Variants in FAM110A observed in about 807,000 individuals in gnomAD.
FAM110A encodes the protein protein FAM110A.
A neutral mutation model predicts 4.0 loss-of-function variants in FAM110A; 1 was observed. That is an observed-to-expected ratio of 0.25 (90% CI 0.09 to 1.20). FAM110A has a LOEUF of 1.20. FAM110A is among the 50% of genes most tolerant of loss of function. The pLI, the probability that FAM110A is intolerant of heterozygous loss-of-function variation, is 0.50. For missense variants in FAM110A, 436 were observed against 429.2 expected, an observed-to-expected ratio of 1.02 and a Z score of -0.14; for synonymous variants, 217 against 196.8, an observed-to-expected ratio of 1.10 and a Z score of -0.86.
At position 841,129 on chromosome 20, in the gene FAM110A, C is replaced by G. The variant is rs574786439; in HGVS notation, c.-97-3579C>G. The G allele has an allele frequency of 4.6e-5, 7 of 152,368 alleles. No homozygotes were observed. In the East Asian group the frequency reaches 1.4e-3, roughly 29 times the overall value. 9.4% of individuals were successfully genotyped at this position (152,368 alleles called of 1,614,324 possible). A position where few individuals can be genotyped will look rare whatever the true frequency, so the allele number is the denominator to read the frequency against. ...AGCGGGTCGGACCCAGTTCCTGAGC[C>G]AGGCCAGCTGCCGGCGGCCGGGGCT... On this transcript the variant is annotated intron_variant, in intron 1 of 1. Transcript: ENST00000381941.
intron 1 of FAM110A, chr20:839,790 G>T: frequency 1.3e-6 from 2 of 1,543,292 alleles, no homozygotes; most frequent in Non-Finnish European, 1.8e-6. Flanking sequence ...ATGTCTCCAG[G>T]CAAACTGTTC....
Position 845,918 on chromosome 20 carries a change from T to C in FAM110A, c.*226T>C, listed in dbSNP as rs2122709085. 1 of 844,140 alleles carries C rather than the reference T, an allele frequency of 1.2e-6. No homozygotes were observed. 52.3% of individuals were successfully genotyped at this position (844,140 alleles called of 1,614,324 possible). ...GACACCTGAGAACCCCCTCCTCCCC[T>C]CCCCCAATACAAGGTTTTTGACATG... On this transcript the variant is annotated 3_prime_UTR_variant, in exon 2 of 2. Coordinates refer to ENST00000381941, the MANE Select transcript of FAM110A (RefSeq NM_001042353.3).
chr20:844,792 A>T lies in FAM110A; in HGVS notation c.-13A>T. 6.9e-7 allele frequency: 1 copy of T among 1,444,014 alleles called. No homozygotes were observed. Among genetic ancestry groups the T allele is most frequent in the Admixed American group, 2.8e-5 (1 of 36,056 alleles). The allele number at this position is 1,444,014 out of a possible 1,614,324, so 89.5% of individuals were successfully genotyped here. ...GTCTCCGCAGACTAAAGCCCTCGGG[A>T]TATGCAGCAGCCATGCCTGTGCACA... is the stretch of plus-strand genomic sequence containing the variant. On this transcript the variant is annotated 5_prime_UTR_variant, in exon 2 of 2. Transcript: ENST00000381941.
intron 1 of FAM110A, among the ~76,000 whole-genome samples, chr20:836,770 G>T (rs1473846106): frequency 6.6e-6 from 1 of 152,150 alleles, no homozygotes; most frequent in East Asian, 1.9e-4. Context: ...TTAATTTTTT[G>T]AGGAACTACT....
chr20:843,626 G>T lies in FAM110A; in HGVS notation c.-97-1082G>T, dbSNP rs76564722. ...AAGTACCCGCCCCCTCCATTTTACA[G>T]ATGAGAATGTTTGGGACTTGGTATG... On this transcript the variant is annotated intron_variant, in intron 1 of 1. Transcript: ENST00000381941. Among the ~76,000 whole-genome samples, 303 of 152,292 alleles carry T rather than the reference G, an allele frequency of 2.0e-3. 3 individuals carry two copies. The highest frequency in any genetic ancestry group is 7.1e-3 in the African/African-American group (294 of 41,576).
In FAM110A at chr20:845,306, C is replaced by T; in HGVS notation, c.502C>T (p.Pro168Ser). 6.5e-7 allele frequency: 1 copy of T among 1,543,180 alleles called. No homozygotes were observed. The highest frequency in any genetic ancestry group is 1.2e-5 in the South Asian group (1 of 83,140). The change falls in exon 2 of 2, where the codon CCA (proline) becomes TCA (serine). Residue 168 changes from proline to serine, a missense_variant. Physicochemically the swap from Pro to Ser is moderately conservative, Grantham distance 74. Transcript: ENST00000381941. The part of the protein sequence containing the change: ...PLPASPARPC[P>S]SPGPAAASSP... ...GCCCGCCTCGCCTGCCCGGCCCTGCCCATCACCCGGCCCTGCCGCCGCCTC... is the reference window on the plus strand; with the variant it reads ...GCCCGCCTCGCCTGCCCGGCCCTGCTCATCACCCGGCCCTGCCGCCGCCTC...
intron 1 of FAM110A, among the ~76,000 whole-genome samples, chr20:837,793 G>C (rs1186076205): frequency 6.6e-6 from 1 of 152,160 alleles, no homozygotes; most frequent in African/African-American, 2.4e-5. Flanking sequence ...GAAGTGGTCA[G>C]AGCCCAGCTT....
At position 841,766 on chromosome 20, in the gene FAM110A, C is replaced by A. The variant is rs372558963; in HGVS notation, c.-97-2942C>A. 4.7e-4 allele frequency among the ~76,000 whole-genome samples: 72 copies of A among 152,280 alleles called. No individual in the cohort carries two copies. In the East Asian group the frequency reaches 0.011, roughly 24 times the overall value. The stretch of plus-strand genomic sequence containing the variant: ...TGGGGCATTGGGCGGTGAGAGGAGG[C>A]CTCAGAGGGGACATTGAGTCGCGCT... On this transcript the variant is annotated intron_variant, in intron 1 of 1. Transcript: ENST00000381941.
intron 1 of FAM110A, among the ~76,000 whole-genome samples, chr20:835,873 C>T (rs1166635210): frequency 2.0e-5 from 3 of 152,142 alleles, no homozygotes; most frequent in Non-Finnish European, 4.4e-5. Flanking sequence ...CCAATCTCCT[C>T]TGGGGCAGGC....
intron 1 of FAM110A, chr20:839,367 C>A: frequency 3.8e-6 from 2 of 525,664 alleles, no homozygotes; most frequent in South Asian, 3.2e-5. Flanking sequence ...GTGTCTGGTA[C>A]AAAGAAAGTG....
intron 1 of FAM110A, chr20:839,961 T>C (rs1162327184): frequency 3.2e-5 from 48 of 1,483,868 alleles, no homozygotes; most frequent in Non-Finnish European, 4.3e-5. Context: ...AATCCGGTTC[T>C]TCTTAGGCAT....
intron 1 of FAM110A, chr20:836,261 G>A (rs1979570656): frequency 7.6e-6 from 1 of 131,684 alleles, no homozygotes; most frequent in South Asian, 2.6e-4. Context: ...GGGGGGGTGG[G>A]GTGGGGCAGT....
rs1979831929 is a variant in FAM110A at position 840,558 on chromosome 20, C to A, written c.-97-4150C>A. 6.6e-6 allele frequency among the ~76,000 whole-genome samples: 1 copy of A among 152,180 alleles called. No individual in the cohort carries two copies. The highest frequency in any genetic ancestry group is 1.5e-5 in the Non-Finnish European group (1 of 68,034). ...GGATTTAAATGAGTATGGTGCCTGG[C>A]ACCCCAAAATTCTAGTTATTGTTGT... On this transcript the variant is annotated intron_variant, in intron 1 of 1. Coordinates refer to ENST00000381941, the MANE Select transcript of FAM110A (RefSeq NM_001042353.3). The surrounding 1 kb of genome is among the most constrained non-coding windows in gnomAD (Gnocchi z 4.4).
In FAM110A at chr20:844,687, TTTC is replaced by T; in HGVS notation, c.-97-19_-97-17del. The T allele has an allele frequency of 3.1e-6, 4 of 1,298,572 alleles. No individual in the cohort carries two copies. The highest frequency in any genetic ancestry group is 3.8e-5 in the Admixed American group (1 of 26,390). 80.4% of individuals were successfully genotyped at this position (1,298,572 alleles called of 1,614,324 possible). A position where few individuals can be genotyped will look rare whatever the true frequency, so the allele number is the denominator to read the frequency against. The stretch of plus-strand genomic sequence containing the variant: ...TGAGCGCGCTCGGCTTTTTTTTTTT[TTTC>T]TCTCTCCTTCCCTGCAGCAGTGGCC... On this transcript the variant is annotated intron_variant, in intron 1 of 1. Coordinates refer to ENST00000381941, the MANE Select transcript of FAM110A (RefSeq NM_001042353.3).
At chr20:839,171 C>T (rs1979735206) in intron 1 of FAM110A, among the ~76,000 whole-genome samples, 1 of 152,124 alleles carries the variant, frequency 6.6e-6, no homozygotes. Flanking sequence ...TCTTCCACCT[C>T]CCCTCCCCAG....
rs761527987 is a variant in FAM110A at position 845,515 on chromosome 20, C to G, written c.711C>G (p.Pro237=). 6 of 1,612,308 alleles carry G rather than the reference C, an allele frequency of 3.7e-6. No homozygotes were observed. The highest frequency in any genetic ancestry group is 5.1e-6 in the Non-Finnish European group (6 of 1,179,276). The part of the protein sequence containing the change: ...ASSDIVSLAG[P]SAGPGSSEGG... ...CGGATATCGTGTCCCTGGCAGGGCCCAGTGCTGGGCCGGGCAGCTCTGAAG... is the reference window on the plus strand; with the variant it reads ...CGGATATCGTGTCCCTGGCAGGGCCGAGTGCTGGGCCGGGCAGCTCTGAAG... Residue 237 remains proline, a synonymous_variant, in exon 2 of 2, where the codon CCC becomes CCG. Coordinates refer to ENST00000381941, the MANE Select transcript of FAM110A (RefSeq NM_001042353.3).
intron 1 of FAM110A, among the ~76,000 whole-genome samples, chr20:837,708 C>T (rs1979655451): frequency 2.6e-5 from 4 of 152,124 alleles, no homozygotes; most frequent in African/African-American, 9.7e-5. Flanking sequence ...GTAGTGAAGA[C>T]CACTGCAGGC....
Position 845,874 on chromosome 20 carries a change from G to A in FAM110A, c.*182G>A. 7.4e-7 allele frequency: 1 copy of A among 1,357,044 alleles called. No homozygotes were observed. Among genetic ancestry groups the A allele is most frequent in the Non-Finnish European group, 9.8e-7 (1 of 1,017,856 alleles). The allele number at this position is 1,357,044 out of a possible 1,614,324, so 84.1% of individuals were successfully genotyped here. A position where few individuals can be genotyped will look rare whatever the true frequency, so the allele number is the denominator to read the frequency against. On this transcript the variant is annotated 3_prime_UTR_variant, in exon 2 of 2. Coordinates refer to ENST00000381941, the MANE Select transcript of FAM110A (RefSeq NM_001042353.3). ...GTTGGGCAAGGACTGACTCTCCAAG[G>A]GTTTTGTTCTTGGCTTTGGACACCT...
chr20:839,658 C>T (rs781269386), intron 1 of FAM110A: 85 of 1,195,520 alleles, frequency 7.1e-5, no homozygotes, highest in Middle Eastern at 5.5e-4. Flanking sequence ...TGGACGGCTG[C>T]GGTGTAGGGT....
Sources: gnomAD v4.1 joint callset for allele counts (sites outside exome capture counted in the v4.1 genomes callset) on GRCh38, gnomAD v4.1.1 for gene constraint, Gnocchi (gnomAD v3.1) non-coding constraint, MANE v1.5 for transcripts, NCBI Gene and HGNC (gene_info 2026-07-23, HGNC 2026-07-21) for gene names.